Variants in ALPL observed in about 807,000 individuals in gnomAD.
ALPL encodes alkaline phosphatase, tissue-nonspecific isozyme.
Under a neutral mutation model 51.3 loss-of-function variants are expected in ALPL, and 42 were observed. The ratio of observed to expected loss-of-function variants is 0.82; its 90% CI spans 0.64 to 1.06. The LOEUF (loss-of-function observed/expected upper bound fraction) is 1.06. Among genes scored for constraint, ALPL ranks in the 50% least tolerant of loss-of-function variants. ALPL has a pLI of 0.00. For synonymous variants in ALPL, 279 were observed against 296.4 expected, an observed-to-expected ratio of 0.94 and a Z score of 0.60; for missense variants, 589 against 709.4, an observed-to-expected ratio of 0.83 and a Z score of 1.93.
intron 1 of ALPL, among the ~76,000 whole-genome samples, chr1:21,539,799 T>C (rs1258442540): frequency 2.6e-5 from 4 of 151,892 alleles, no homozygotes; most frequent in Non-Finnish European, 4.4e-5. Flanking sequence ...GGACTACAGG[T>C]GCCCGCCACC....
chr1:21,544,481 A>G (rs1404854831), intron 1 of ALPL, among the ~76,000 whole-genome samples: 3 of 152,132 alleles, frequency 2.0e-5, no homozygotes, highest in African/African-American at 7.2e-5. Flanking sequence ...GGTAGCTCAC[A>G]CCTGTAATCC....
At position 21,575,731 on chromosome 1, in the gene ALPL, A is replaced by C; in HGVS notation, c.998-2A>C. On this transcript the variant is annotated splice_acceptor_variant, in intron 9 of 11. Coordinates refer to ENST00000374840, the MANE Select transcript of ALPL (RefSeq NM_000478.6). LOFTEE classifies it high-confidence loss of function. ...CCGAGGCCTTTGCCTTGGTGTCCCA[A>C]GGAGGCAGAATTGACCACGGGCACC... 1 of 1,614,008 alleles carries C rather than the reference A, an allele frequency of 6.2e-7. No homozygotes were observed. The highest frequency in any genetic ancestry group is 2.2e-5 in the East Asian group (1 of 44,864).
intron 1 of ALPL, among the ~76,000 whole-genome samples, chr1:21,525,895 G>A (rs1021999947): frequency 6.6e-6 from 1 of 152,098 alleles, no homozygotes; most frequent in African/African-American, 2.4e-5. Flanking sequence ...GGCTGAGGCA[G>A]GAGAATTGCT....
At chr1:21,510,855 T>C (rs185438124) in intron 1 of ALPL, among the ~76,000 whole-genome samples, 28 of 152,326 alleles carry the variant, frequency 1.8e-4, no homozygotes, top group Admixed American at 2.6e-4. Context: ...ATGCATCTTG[T>C]TCCTGTGTCA....
chr1:21,560,517 T>A, intron 2 of ALPL, 109 bp from the exon 3 acceptor site: 1 of 1,466,154 alleles, frequency 6.8e-7, no homozygotes, highest in Non-Finnish European at 9.3e-7. Context: ...TGCACCCACC[T>A]CCAAGTTCAG....
rs746876585 is a variant in ALPL, at chr1:21,563,998, C to T, written c.473-43C>T. ...GGAGGGAGGAGGCCTCTGGGACACC[C>T]CGATCTGTGGATAAAGCCAAACCCG... On this transcript the variant is annotated intron_variant, in intron 5 of 11. Coordinates refer to ENST00000374840, the MANE Select transcript of ALPL (RefSeq NM_000478.6). 5 of 1,608,934 alleles carry T rather than the reference C, an allele frequency of 3.1e-6. No individual in the cohort carries two copies. In the East Asian group the frequency reaches 6.7e-5, roughly 22 times the overall value.
intron 9 of ALPL, 68 bp from the exon 10 acceptor site, chr1:21,575,664 GT>G (rs1644717458): frequency 1.3e-5 from 21 of 1,580,936 alleles, no homozygotes; most frequent in Middle Eastern, 4.0e-4. Flanking sequence ...CAGCAGCAGT[GT>G]TGTGGGGCTG....
intron 2 of ALPL, among the ~76,000 whole-genome samples, chr1:21,555,361 G>A (rs1033037162): frequency 6.6e-6 from 1 of 152,216 alleles, no homozygotes; most frequent in Non-Finnish European, 1.5e-5. Flanking sequence ...CCGTCTGGAT[G>A]TATATGTGCA....
chr1:21,546,657 G>C (rs1390741240), intron 1 of ALPL, among the ~76,000 whole-genome samples: 2 of 152,210 alleles, frequency 1.3e-5, no homozygotes, highest in East Asian at 3.8e-4. Context: ...CGCCTGGCAG[G>C]GCTTCACTAA....
At chr1:21,512,350 A>G (rs1643706195) in intron 1 of ALPL, among the ~76,000 whole-genome samples, 1 of 152,212 alleles carries the variant, frequency 6.6e-6, no homozygotes, top group African/African-American at 2.4e-5. Context: ...TCTCATCTGC[A>G]ATATGGGTTA....
intron 1 of ALPL, among the ~76,000 whole-genome samples, chr1:21,528,342 GT>G (rs11368122): frequency 0.47 from 52,822 of 111,386 alleles, 11,893 homozygotes; most frequent in East Asian, 0.77. Context: ...GACCTATTCA[GT>G]TTTTTTTTTT....
chr1:21,554,800 TCTGTCTGTCTGTCTGTC>T (rs1644381364), intron 2 of ALPL, among the ~76,000 whole-genome samples: 1 of 37,034 alleles, frequency 2.7e-5, no homozygotes, highest in African/African-American at 1.7e-4. Flanking sequence ...TGTCTGTCTG[TCTGTCTGTCTGTCTGTC>T]TTTCTTTCTT....
intron 1 of ALPL, among the ~76,000 whole-genome samples, chr1:21,547,639 A>C (rs904913035): frequency 3.3e-5 from 5 of 151,388 alleles, no homozygotes; most frequent in Non-Finnish European, 7.4e-5. Flanking sequence ...CATTTCTCTT[A>C]CTCTTCATGG....
intron 2 of ALPL, among the ~76,000 whole-genome samples, chr1:21,554,875 CTCTTTCTTTCTTTT>C (rs1558544153): frequency 3.9e-4 from 52 of 131,722 alleles, no homozygotes; most frequent in African/African-American, 1.4e-3. Context: ...CTTTCTTTCT[CTCTTTCTTTCTTTT>C]TCTTTCTTTC....
intron 1 of ALPL, among the ~76,000 whole-genome samples, chr1:21,537,562 A>AC (rs898963096): frequency 5.9e-4 from 88 of 150,332 alleles, no homozygotes; most frequent in East Asian, 2.0e-3. Flanking sequence ...TGCCAGAACC[A>AC]CCCCCCCCAC....
chr1:21,569,240 C>A (rs993870189), intron 7 of ALPL, among the ~76,000 whole-genome samples: 4 of 152,188 alleles, frequency 2.6e-5, no homozygotes, highest in African/African-American at 9.7e-5. Context: ...ACACCAGCCT[C>A]AGTTTCTCTA....
intron 1 of ALPL, among the ~76,000 whole-genome samples, chr1:21,540,047 G>A (rs1167594075): frequency 6.6e-6 from 1 of 152,160 alleles, no homozygotes; most frequent in Non-Finnish European, 1.5e-5. Flanking sequence ...AGGGCTGAGG[G>A]AAGTGCTGGA....
chr1:21,560,903 G>A (rs772223612), intron 3 of ALPL, among the ~76,000 whole-genome samples, 158 bp downstream of exon 3: 27 of 152,174 alleles, frequency 1.8e-4, no homozygotes, highest in Non-Finnish European at 2.8e-4. Flanking sequence ...CAAGAGGCCT[G>A]CTCTGCCAGA....
chr1:21,534,322 C>T (rs1305208228), intron 1 of ALPL, among the ~76,000 whole-genome samples: 1 of 152,174 alleles, frequency 6.6e-6, no homozygotes. Context: ...ATGCAAGATG[C>T]CTTTTGTAGT....
Sources: gnomAD v4.1 joint callset for allele counts (sites outside exome capture counted in the v4.1 genomes callset) on GRCh38, gnomAD v4.1.1 for gene constraint, MANE v1.5 for transcripts, NCBI Gene and HGNC (gene_info 2026-07-23, HGNC 2026-07-21) for gene names.